THRA: variants seen among roughly 807,000 people sequenced by gnomAD.
The protein encoded by THRA is thyroid hormone receptor alpha.
THRA carries 13 observed loss-of-function variants against 45.0 expected under a neutral mutation model. The observed-to-expected ratio is 0.29, with a 90% CI of 0.19 to 0.46. The LOEUF (loss-of-function observed/expected upper bound fraction) is 0.46, where lower values mean the gene tolerates loss of function less well. Ranked by LOEUF, THRA falls within the 20% of genes least tolerant of loss-of-function variation. The pLI, the probability that THRA is intolerant of heterozygous loss-of-function variation, is 1.00. For synonymous variants in THRA, 195 were observed against 214.0 expected (o/e 0.91, Z 0.78); for missense variants, 278 against 556.1 (o/e 0.50, Z 5.03).
At position 40,092,403 on chromosome 17, in the gene THRA, A is replaced by G. The variant is rs1374324444; in HGVS notation, c.*2947A>G. The G allele has an allele frequency of 6.6e-6, 1 of 152,010 alleles. No individual in the cohort carries two copies. The highest frequency in any genetic ancestry group is 2.4e-5 in the African/African-American group (1 of 41,264). The allele number at this position is 152,010 out of a possible 1,614,324, so 9.4% of individuals were successfully genotyped here. On this transcript the variant is annotated 3_prime_UTR_variant, in exon 9 of 9. Transcript: ENST00000450525. ...CTGGGGGGAGGGGGGTTGTGGCCAG[A>G]AACAGGGAAGGAGGTAGGTCTCTTC...
intron 1 of THRA, chr17:40,071,960 C>G (rs1986792376): frequency 6.6e-6 from 1 of 152,198 alleles, no homozygotes; most frequent in Non-Finnish European, 1.5e-5. Context: ...TGCCCACTAC[C>G]AGGGGCTGAC....
Position 40,071,609 on chromosome 17 carries a change from C to T in THRA, c.-297-2583C>T, listed in dbSNP as rs145071143. Among the ~76,000 whole-genome samples, 357 of 152,348 alleles carry T rather than the reference C, an allele frequency of 2.3e-3. 1 individual carries two copies. The highest frequency in any genetic ancestry group is 8.2e-3 in the African/African-American group (343 of 41,580). On this transcript the variant is annotated intron_variant, in intron 1 of 8. Coordinates refer to ENST00000450525, the MANE Select transcript of THRA (RefSeq NM_199334.5). ...ACAGAACCCCATAGCTCCGCCCCCT[C>T]GGCCTCCTTGGGGCAGGGCCTCCCT...
chr17:40,084,158 A>T (rs983048857), intron 5 of THRA, among the ~76,000 whole-genome samples, 176 bp downstream of exon 5: 5 of 152,152 alleles, frequency 3.3e-5, no homozygotes, highest in African/African-American at 1.2e-4. Flanking sequence ...GCAAAAGGAA[A>T]CAGGATCCCT....
At chr17:40,093,100 G>A (rs757956089), downstream of THRA, 32 of 1,613,996 alleles carry the variant, frequency 2.0e-5, no homozygotes, top group Admixed American at 8.3e-5. This position sits in a 1 kb window ranked among gnomAD's most constrained non-coding sequence, Gnocchi z 5.9. Context: ...GCGTCCACCC[G>A]GAAGGACAGC....
At chr17:40,075,252 G>T (rs559684016) in intron 2 of THRA, among the ~76,000 whole-genome samples, 1 of 151,714 alleles carries the variant, frequency 6.6e-6, no homozygotes, top group African/African-American at 2.4e-5. Flanking sequence ...GTCCCAGTTG[G>T]CACGGTGCCC....
In THRA at chr17:40,089,651, A is replaced by G. The variant is rs1375664405; in HGVS notation, c.*195A>G. On this transcript the variant is annotated 3_prime_UTR_variant, in exon 9 of 9. Transcript: ENST00000450525. The surrounding 1 kb of genome is among the most constrained non-coding windows in gnomAD (Gnocchi z 6.1). Reference sequence around the variant, plus strand: ...CCTCCAGCCCTGGGACAGGGCAAACAACTGAACTTGCTATGGAAAGGACAG... The same window carrying G: ...CCTCCAGCCCTGGGACAGGGCAAACGACTGAACTTGCTATGGAAAGGACAG... The G allele has an allele frequency of 7.1e-7, 1 of 1,418,218 alleles. No homozygotes were observed. The highest frequency in any genetic ancestry group is 9.2e-7 in the Non-Finnish European group (1 of 1,088,836). The allele number at this position is 1,418,218 out of a possible 1,614,324, so 87.9% of individuals were successfully genotyped here. A position where few individuals can be genotyped will look rare whatever the true frequency, so the allele number is the denominator to read the frequency against.
intron 4 of THRA, among the ~76,000 whole-genome samples, chr17:40,079,900 C>G (rs1281183234): frequency 6.6e-6 from 1 of 152,028 alleles, no homozygotes; most frequent in African/African-American, 2.4e-5. Context: ...AAGCCTGTCT[C>G]TACTAAAAAT....
intron 7 of THRA, among the ~76,000 whole-genome samples, 173 bp from the exon 8 acceptor site, chr17:40,088,069 A>G (rs1026060464): frequency 2.0e-5 from 3 of 152,200 alleles, no homozygotes; most frequent in South Asian, 2.1e-4. Flanking sequence ...CCTCACAGGC[A>G]TAACTGTGAG....
intron 4 of THRA, among the ~76,000 whole-genome samples, chr17:40,081,052 T>C (rs1987120915): frequency 2.0e-5 from 3 of 152,026 alleles, no homozygotes; most frequent in African/African-American, 7.3e-5. Flanking sequence ...CCCTGGAATC[T>C]GAGAGCTCAG....
At chr17:40,077,233 G>A (rs1986986412) in intron 3 of THRA, among the ~76,000 whole-genome samples, 1 of 152,200 alleles carries the variant, frequency 6.6e-6, no homozygotes, top group Admixed American at 6.5e-5. Flanking sequence ...TCCCCAGTGA[G>A]CAGCTGACGT....
At chr17:40,082,000 A>G (rs969688033) in intron 4 of THRA, among the ~76,000 whole-genome samples, 4 of 151,954 alleles carry the variant, frequency 2.6e-5, no homozygotes, top group Non-Finnish European at 4.4e-5. Flanking sequence ...AAATAAAATA[A>G]AGGTGAATCC....
At chr17:40,093,803 T>A, downstream of THRA, 1 of 929,116 alleles carries the variant, frequency 1.1e-6, no homozygotes, top group Non-Finnish European at 1.7e-6. This position sits in a 1 kb window ranked among gnomAD's most constrained non-coding sequence, Gnocchi z 5.9. Context: ...CATGTCTGTA[T>A]CCCCAGTGCC....
At chr17:40,093,570 G>C (rs1302272302), downstream of THRA, 1 of 946,796 alleles carries the variant, frequency 1.1e-6, no homozygotes, top group African/African-American at 1.7e-5. This position sits in a 1 kb window ranked among gnomAD's most constrained non-coding sequence, Gnocchi z 5.9. Flanking sequence ...GCTTTTTGCT[G>C]TGTAGTTCCC....
At chr17:40,075,157 G>T (rs1219479756) in intron 2 of THRA, among the ~76,000 whole-genome samples, 2 of 152,252 alleles carry the variant, frequency 1.3e-5, no homozygotes, top group African/African-American at 4.8e-5. Context: ...ATACACCAAG[G>T]GATGGTTACC....
intron 7 of THRA, 87 bp from the exon 8 acceptor site, chr17:40,088,155 T>G: frequency 6.7e-7 from 1 of 1,501,820 alleles, no homozygotes; most frequent in Non-Finnish European, 8.9e-7. Context: ...CTTGCGGGCC[T>G]CACGGCTCCC....
At chr17:40,068,480 G>A (rs894173170) in intron 1 of THRA, among the ~76,000 whole-genome samples, 1 of 152,226 alleles carries the variant, frequency 6.6e-6, no homozygotes, top group East Asian at 1.9e-4. Flanking sequence ...TTCCACCTTG[G>A]TGTCACTTGG....
rs200697396 is a variant in THRA, at chr17:40,092,808, T to C, written c.*3352T>C. 5.6e-6 allele frequency: 4 copies of C among 714,184 alleles called. No individual in the cohort carries two copies. Among genetic ancestry groups the C allele is most frequent in the Non-Finnish European group, 8.8e-6 (4 of 455,844 alleles). The allele number at this position is 714,184 out of a possible 1,614,324, so 44.2% of individuals were successfully genotyped here. A position where few individuals can be genotyped will look rare whatever the true frequency, so the allele number is the denominator to read the frequency against. On this transcript the variant is annotated 3_prime_UTR_variant, in exon 9 of 9. Transcript: ENST00000450525. ...AGAAGCCAGCTCAGCTGTGAACTAT[T>C]GGATTTGAGACAGGAACAGAACAAA...
downstream of THRA, chr17:40,093,641 C>T (rs1287292295): frequency 3.0e-6 from 2 of 665,538 alleles, no homozygotes; most frequent in Admixed American, 2.9e-5. This position sits in a 1 kb window ranked among gnomAD's most constrained non-coding sequence, Gnocchi z 5.9. Flanking sequence ...TCCTTTGAGG[C>T]CCCAACTCAA....
intron 1 of THRA, among the ~76,000 whole-genome samples, chr17:40,069,584 C>A (rs535978135): frequency 1.3e-5 from 2 of 152,080 alleles, no homozygotes; most frequent in Non-Finnish European, 2.9e-5. Flanking sequence ...TCCAATTACC[C>A]GCTGGCTGCT....
Sources: allele counts gnomAD v4.1 joint callset (sites outside exome capture counted in the v4.1 genomes callset), GRCh38; gene constraint gnomAD v4.1.1; non-coding constraint Gnocchi (gnomAD v3.1); transcripts MANE v1.5; gene names NCBI Gene and HGNC (gene_info 2026-07-23, HGNC 2026-07-21).